ANO4: variants seen among roughly 807,000 people sequenced by gnomAD.
ANO4 encodes anoctamin 4, also known as anoctamin-4.
Under a neutral mutation model 141.9 loss-of-function variants are expected in ANO4, and 69 were observed. The ratio of observed to expected loss-of-function variants is 0.49; its 90% CI spans 0.40 to 0.59. ANO4 has a LOEUF of 0.59. Among genes scored for constraint, ANO4 ranks in the 20% least tolerant of loss-of-function variants. The pLI is 0.00. For synonymous variants in ANO4, 350 were observed against 394.3 expected, an observed-to-expected ratio of 0.89 and a Z score of 1.33; for missense variants, 894 against 1,162.2, an observed-to-expected ratio of 0.77 and a Z score of 3.36.
intron 13 of ANO4, among the ~76,000 whole-genome samples, chr12:101,045,865 C>G (rs1299217039): frequency 2.6e-5 from 4 of 152,208 alleles, no homozygotes; most frequent in African/African-American, 9.6e-5. Context: ...CGTTTTCCTT[C>G]CCTTGTCTCC....
chr12:100,734,706 C>T (rs1040897415), intron 2 of ANO4, among the ~76,000 whole-genome samples: 1 of 151,532 alleles, frequency 6.6e-6, no homozygotes, highest in Admixed American at 6.6e-5. Context: ...CCTATATACT[C>T]TTAAACACTA....
At chr12:100,742,260 A>T (rs2031902887) in intron 3 of ANO4, among the ~76,000 whole-genome samples, 1 of 152,152 alleles carries the variant, frequency 6.6e-6, no homozygotes, top group African/African-American at 2.4e-5. Flanking sequence ...GACTATGTGT[A>T]GGCCAATTAT....
At chr12:100,812,739 C>T (rs1042547488) in intron 1 of ANO4, among the ~76,000 whole-genome samples, 6 of 152,172 alleles carry the variant, frequency 3.9e-5, no homozygotes, top group Admixed American at 6.5e-5. Flanking sequence ...TTAGCACCAA[C>T]ATCAGATAAG....
chr12:101,041,398 TG>T (rs1443543523), intron 11 of ANO4, among the ~76,000 whole-genome samples: 2 of 152,132 alleles, frequency 1.3e-5, no homozygotes, highest in Admixed American at 1.3e-4. Context: ...TGATAAACAG[TG>T]GGGGGAAAAA....
At chr12:101,072,589 T>A (rs560563652) in intron 14 of ANO4, among the ~76,000 whole-genome samples, 1 of 152,080 alleles carries the variant, frequency 6.6e-6, no homozygotes, top group East Asian at 1.9e-4. Context: ...AATTGACAAA[T>A]GGGATCTAAT....
chr12:101,085,350 T>C (rs1377703278), intron 16 of ANO4, among the ~76,000 whole-genome samples: 1 of 152,146 alleles, frequency 6.6e-6, no homozygotes, highest in African/African-American at 2.4e-5. Context: ...ATTTATGAAT[T>C]CAACCAGCCA....
chr12:101,102,214 C>T (rs1028465789), intron 22 of ANO4, among the ~76,000 whole-genome samples: 3 of 152,008 alleles, frequency 2.0e-5, no homozygotes, highest in Non-Finnish European at 4.4e-5. Flanking sequence ...GATTAACATA[C>T]GTAGATGTTT....
intron 8 of ANO4, among the ~76,000 whole-genome samples, chr12:100,988,889 G>GAAAAA (rs57790317): frequency 2.5e-5 from 2 of 78,732 alleles, no homozygotes; most frequent in African/African-American, 4.4e-5. Flanking sequence ...AAAAAAAAAA[G>GAAAAA]AAAGAAAAAC....
chr12:100,744,243 T>C (rs1447476187), intron 3 of ANO4, among the ~76,000 whole-genome samples: 2 of 152,218 alleles, frequency 1.3e-5, no homozygotes, highest in African/African-American at 4.8e-5. Context: ...TTCTATTTAA[T>C]GCTGGCATAG....
chr12:100,858,362 T>C (rs2038292931), intron 1 of ANO4, among the ~76,000 whole-genome samples: 1 of 152,100 alleles, frequency 6.6e-6, no homozygotes, highest in Non-Finnish European at 1.5e-5. Context: ...AAATATGATA[T>C]TATAATTTTA....
At position 100,985,550 on chromosome 12, in the gene ANO4, C is replaced by G. The variant is rs142240247; in HGVS notation, c.603-1989C>G. On this transcript the variant is annotated intron_variant, in intron 7 of 27. Coordinates refer to ENST00000392977, the MANE Select transcript of ANO4 (RefSeq NM_001286615.2). Reference sequence around the variant, plus strand: ...ATATTAACAGAGCCAGGATTTGAATCTAGGCATTCCAGCCCCATAGTTCAT... The same window carrying G: ...ATATTAACAGAGCCAGGATTTGAATGTAGGCATTCCAGCCCCATAGTTCAT... Among the ~76,000 whole-genome samples the G allele has an allele frequency of 1.1e-3, 168 of 152,308 alleles. 1 individual carries two copies. The highest frequency in any genetic ancestry group is 3.9e-3 in the African/African-American group (160 of 41,558).
intron 17 of ANO4, among the ~76,000 whole-genome samples, chr12:101,091,279 C>G (rs1247218063): frequency 6.6e-6 from 1 of 152,084 alleles, no homozygotes; most frequent in Non-Finnish European, 1.5e-5. Context: ...AAAAAATGTA[C>G]ATAAGAACTC....
At chr12:100,944,674 C>G (rs1264501119) in intron 5 of ANO4, among the ~76,000 whole-genome samples, 2 of 152,174 alleles carry the variant, frequency 1.3e-5, no homozygotes, top group Non-Finnish European at 2.9e-5. Context: ...GGTGCAATTT[C>G]TCTCTAATGC....
At chr12:100,886,077 C>CT (rs57493079) in intron 1 of ANO4, among the ~76,000 whole-genome samples, 51,416 of 152,054 alleles carry the variant, frequency 0.34, 9,318 homozygotes, top group African/African-American at 0.47. Flanking sequence ...ACTAAAGACT[C>CT]TACTTTCAAA....
intron 2 of ANO4, among the ~76,000 whole-genome samples, chr12:100,921,860 G>C (rs1310914917): frequency 6.6e-6 from 1 of 152,078 alleles, no homozygotes; most frequent in Admixed American, 6.6e-5. Context: ...TAAAGTGTTT[G>C]TGTTAATGTC....
intron 2 of ANO4, among the ~76,000 whole-genome samples, chr12:100,917,043 C>G (rs1389494965): frequency 6.6e-6 from 1 of 151,340 alleles, no homozygotes; most frequent in Non-Finnish European, 1.5e-5. Context: ...TATTGCTTGT[C>G]CAGCTAAAGA....
chr12:100,832,363 G>A (rs1422306035), intron 1 of ANO4, among the ~76,000 whole-genome samples: 2 of 152,030 alleles, frequency 1.3e-5, no homozygotes, highest in African/African-American at 2.4e-5. Flanking sequence ...GATGGGTATT[G>A]GCAGGTGTTG....
intron 10 of ANO4, 39 bp from the exon 11 acceptor site, chr12:101,039,916 G>T: frequency 6.3e-7 from 1 of 1,577,716 alleles, no homozygotes; most frequent in South Asian, 1.2e-5. Context: ...TGTGACTTTT[G>T]TGAGTACTAC....
intron 14 of ANO4, among the ~76,000 whole-genome samples, chr12:101,064,078 C>A (rs918413217): frequency 2.6e-5 from 4 of 151,732 alleles, no homozygotes; most frequent in African/African-American, 9.7e-5. Context: ...CATTTAATTG[C>A]TCCTTTTTCT....
Sources: gnomAD v4.1 joint callset for allele counts (sites outside exome capture counted in the v4.1 genomes callset) on GRCh38, gnomAD v4.1.1 for gene constraint, MANE v1.5 for transcripts, NCBI Gene and HGNC (gene_info 2026-07-23, HGNC 2026-07-21) for gene names.